CYFIP1: variants seen among roughly 807,000 people sequenced by gnomAD.
The protein encoded by CYFIP1 is cytoplasmic FMR1-interacting protein 1.
Under a neutral mutation model 163.5 loss-of-function variants are expected in CYFIP1, and 58 were observed. That is an observed-to-expected ratio of 0.35 (90% CI 0.29 to 0.44). CYFIP1 has a LOEUF of 0.44. Among genes scored for constraint, CYFIP1 ranks in the 20% least tolerant of loss-of-function variants. The pLI is 1.00. For synonymous variants in CYFIP1, 663 were observed against 660.7 expected, an observed-to-expected ratio of 1.00 and a Z score of -0.05; for missense variants, 1,338 against 1,653.8, an observed-to-expected ratio of 0.81 and a Z score of 3.31.
intron 23 of CYFIP1, among the ~76,000 whole-genome samples, chr15:22,884,988 G>A (rs1326017187): frequency 1.3e-5 from 2 of 150,800 alleles, no homozygotes; most frequent in African/African-American, 2.4e-5. Context: ...AGGTGGGGGA[G>A]GGGGAACCAT....
Position 22,903,854 on chromosome 15 carries a change from G to C in CYFIP1, c.2440C>G (p.Arg814Gly). ...INRMTHKLLS[R>G]YLTLDGFDAM... ...TCGAAGCCGTCCAGCGTCAGGTACCGGCTCAGCAGCTTGTGGGTCATGCGG... is the reference window on the plus strand; with the variant it reads ...TCGAAGCCGTCCAGCGTCAGGTACCCGCTCAGCAGCTTGTGGGTCATGCGG... Residue 814 changes from arginine to glycine, a missense_variant, in exon 22 of 31, where the codon CGG becomes GGG. Coordinates refer to ENST00000617928, the MANE Select transcript of CYFIP1 (RefSeq NM_014608.6). 6.2e-7 allele frequency: 1 copy of C among 1,614,188 alleles called. No homozygotes were observed.
intron 1 of CYFIP1, among the ~76,000 whole-genome samples, chr15:22,950,143 G>A (rs1403852603): frequency 1.3e-5 from 2 of 152,066 alleles, no homozygotes; most frequent in Admixed American, 6.5e-5. Flanking sequence ...GACCTGAATC[G>A]AAACACATTG....
At chr15:22,932,831 CTCT>C (rs1359960549) in intron 10 of CYFIP1, among the ~76,000 whole-genome samples, 203 of 152,226 alleles carry the variant, frequency 1.3e-3, no homozygotes, top group Non-Finnish European at 2.2e-4. Context: ...CACTGTCAGT[CTCT>C]TCTTTTTTTC....
intron 27 of CYFIP1, 101 bp downstream of exon 27, chr15:22,875,098 A>T: frequency 8.9e-7 from 1 of 1,125,730 alleles, no homozygotes; most frequent in Non-Finnish European, 1.3e-6. Context: ...CAGGCGCCAA[A>T]CCCACAATCT....
chr15:22,891,422 C>T (rs2141945268), intron 23 of CYFIP1, among the ~76,000 whole-genome samples: 1 of 152,180 alleles, frequency 6.6e-6, no homozygotes, highest in East Asian at 1.9e-4. Context: ...GAGACTCCAT[C>T]TCAAAAAAAT....
chr15:22,978,573 T>C (rs2140296647), intron 1 of CYFIP1, among the ~76,000 whole-genome samples: 1 of 152,256 alleles, frequency 6.6e-6, no homozygotes, highest in South Asian at 2.1e-4. Context: ...AAGACTATTA[T>C]ACTACTTAGA....
At position 22,874,626 on chromosome 15, in the gene CYFIP1, G is replaced by C; in HGVS notation, c.3134C>G (p.Ala1045Gly). Residue 1045 changes from alanine (A) to glycine (G), a missense_variant, in exon 28 of 31, where the codon GCC becomes GGC. Physicochemically the swap from Ala to Gly is moderately conservative, Grantham distance 60. Around this residue, in one of 4 missense-constraint regions of CYFIP1, gnomAD observed 306 missense variants for 322.1 expected, o/e 0.95. Transcript: ENST00000617928. ...VHVKEGERLD[A>G]KMKRLESKYA... The stretch of plus-strand genomic sequence containing the variant: ...CTTTGATTCTAGTCTTTTCATTTTG[G>C]CATCAAGTCTCTCCCCCTCTGCAGT... 1 of 1,601,082 alleles carries C rather than the reference G, an allele frequency of 6.2e-7. No homozygotes were observed. Among genetic ancestry groups the C allele is most frequent in the East Asian group, 2.3e-5 (1 of 44,112 alleles).
chr15:22,934,788 G>A (rs756973007), intron 9 of CYFIP1, among the ~76,000 whole-genome samples: 2 of 151,838 alleles, frequency 1.3e-5, no homozygotes, highest in African/African-American at 4.8e-5. Flanking sequence ...ATAAGCCACC[G>A]TGCCCAGCCA....
intron 1 of CYFIP1, among the ~76,000 whole-genome samples, chr15:22,957,437 C>A (rs144088867): frequency 6.6e-6 from 1 of 152,108 alleles, no homozygotes; most frequent in Admixed American, 6.6e-5. Context: ...GAGATCAAGA[C>A]CATCCTAGCT....
chr15:22,924,161 C>T (rs764995019), intron 13 of CYFIP1, among the ~76,000 whole-genome samples: 2 of 152,106 alleles, frequency 1.3e-5, no homozygotes, highest in African/African-American at 4.8e-5. Context: ...CGGTAGCTCA[C>T]GCCTGTAATC....
At chr15:22,918,920 T>A in intron 13 of CYFIP1, 62 bp from the exon 14 acceptor site, 2 of 1,353,712 alleles carry the variant, frequency 1.5e-6, no homozygotes, top group South Asian at 2.7e-5. Flanking sequence ...CTCCTCTGCC[T>A]GGCACATGCC....
At chr15:22,947,955 G>A in intron 1 of CYFIP1, 1 of 985,614 alleles carries the variant, frequency 1.0e-6, no homozygotes, top group Non-Finnish European at 1.2e-6. Flanking sequence ...GCCTTCTGCT[G>A]AATCTGCTCC....
intron 26 of CYFIP1, among the ~76,000 whole-genome samples, chr15:22,878,189 G>A (rs1001031777): frequency 6.6e-6 from 1 of 152,220 alleles, no homozygotes; most frequent in Admixed American, 6.5e-5. Flanking sequence ...GGTATGTGGT[G>A]AACCAATCCC....
At chr15:22,973,577 GTTC>G (rs1156390064) in intron 1 of CYFIP1, among the ~76,000 whole-genome samples, 2 of 152,102 alleles carry the variant, frequency 1.3e-5, no homozygotes, top group African/African-American at 2.4e-5. Context: ...ATTCTGCTCT[GTTC>G]TTCTGTGGCA....
At chr15:22,894,748 A>T (rs1030867246) in intron 22 of CYFIP1, among the ~76,000 whole-genome samples, 9 of 149,890 alleles carry the variant, frequency 6.0e-5, no homozygotes, top group Non-Finnish European at 1.2e-4. Flanking sequence ...ACTCTTTATA[A>T]TATTATTTAA....
rs772927559 is a variant in CYFIP1 at position 22,916,523 on chromosome 15, T to C, written c.1782A>G (p.Lys594=). ...TGTAGAAGAATGACTCTCGATGAAATTTTTCTATGTCCAATATGGTGGGCC... is the reference window on the plus strand; with the variant it reads ...TGTAGAAGAATGACTCTCGATGAAACTTTTCTATGTCCAATATGGTGGGCC... ...LEGPTILDIE[K]FHRESFFYTH... is the part of the protein sequence containing the mutation. Residue 594 remains lysine, a synonymous_variant, in exon 16 of 31, where the codon AAA becomes AAG. Coordinates refer to ENST00000617928, the MANE Select transcript of CYFIP1 (RefSeq NM_014608.6). 2 of 1,613,736 alleles carry C rather than the reference T, an allele frequency of 1.2e-6. No individual in the cohort carries two copies. The highest frequency in any genetic ancestry group is 3.3e-5 in the Admixed American group (2 of 59,950).
At chr15:22,898,204 G>A (rs1274214890) in intron 22 of CYFIP1, among the ~76,000 whole-genome samples, 2 of 152,118 alleles carry the variant, frequency 1.3e-5, no homozygotes, top group African/African-American at 4.8e-5. Flanking sequence ...CACTTAAGGA[G>A]TAAGAATAAA....
chr15:22,959,362 G>A lies in CYFIP1; in HGVS notation c.-6-12071C>T, dbSNP rs151183590. On this transcript the variant is annotated intron_variant, in intron 1 of 30. Coordinates refer to ENST00000617928, the MANE Select transcript of CYFIP1 (RefSeq NM_014608.6). ...TCTGTTAGGGCAGACCCACCATGGC[G>A]GTCTCCGGGAGGACAGTCACACCAC... Among the ~76,000 whole-genome samples the A allele has an allele frequency of 7.7e-3, 1,169 of 152,340 alleles. 7 individuals carry two copies. The highest frequency in any genetic ancestry group is 0.023 in the South Asian group (112 of 4,834).
chr15:22,911,310 G>A (rs577124926), intron 18 of CYFIP1, among the ~76,000 whole-genome samples: 15 of 152,220 alleles, frequency 9.9e-5, no homozygotes, highest in Admixed American at 9.8e-4. Flanking sequence ...TCTTACTGAG[G>A]GAGAAAAATA....
Sources: allele counts gnomAD v4.1 joint callset (sites outside exome capture counted in the v4.1 genomes callset), GRCh38; gene constraint gnomAD v4.1.1; regional missense constraint gnomAD v4.1.1; transcripts MANE v1.5; gene names NCBI Gene and HGNC (gene_info 2026-07-23, HGNC 2026-07-21).